UQCR11: variants seen among roughly 807,000 people sequenced by gnomAD.
The protein encoded by UQCR11 is ubiquinol-cytochrome c reductase, complex III subunit XI.
Under a neutral mutation model 7.6 loss-of-function variants are expected in UQCR11, and 10 were observed. The observed-to-expected ratio is 1.31, with a 90% CI of 0.81 to 2.22. The LOEUF is 2.22. UQCR11 is among the 30% of genes most tolerant of loss of function. The pLI, the probability that UQCR11 is intolerant of heterozygous loss-of-function variation, is 0.00. For missense variants in UQCR11, 86 were observed against 75.1 expected (o/e 1.15, Z -0.54); for synonymous variants, 34 against 34.9 (o/e 0.97, Z 0.09).
At chr19:1,604,191 C>G (rs569137942) in intron 1 of UQCR11, among the ~76,000 whole-genome samples, 1 of 152,092 alleles carries the variant, frequency 6.6e-6, no homozygotes, top group African/African-American at 2.4e-5. Flanking sequence ...GTGATTCGCC[C>G]GCCTTGGCCT....
Position 1,599,536 on chromosome 19 carries a change from G to C in UQCR11, c.75C>G (p.Gly25=). The change falls in exon 2 of 3, where the codon GGC becomes GGG. Residue 25 remains glycine, a synonymous_variant. Coordinates refer to ENST00000591899, the MANE Select transcript of UQCR11 (RefSeq NM_006830.4). ...ACACCAGCCCCACGGCGCCCACAGCGCCCCATGTGTAGGCCGTCGGGACCC... is the reference window on the plus strand; with the variant it reads ...ACACCAGCCCCACGGCGCCCACAGCCCCCCATGTGTAGGCCGTCGGGACCC... ...KNWVPTAYTW[G]AVGAVGLVWA... 1.2e-6 allele frequency: 2 copies of C among 1,612,236 alleles called. No individual in the cohort carries two copies. The highest frequency in any genetic ancestry group is 2.2e-5 in the East Asian group (1 of 44,890).
At chr19:1,603,769 A>C (rs2060753833) in intron 1 of UQCR11, among the ~76,000 whole-genome samples, 1 of 152,174 alleles carries the variant, frequency 6.6e-6, no homozygotes, top group Non-Finnish European at 1.5e-5. Context: ...AGCTAGGAGC[A>C]GGCTTCCTCA....
intron 1 of UQCR11, among the ~76,000 whole-genome samples, chr19:1,601,779 C>T (rs1349447763): frequency 2.6e-5 from 4 of 152,168 alleles, no homozygotes; most frequent in East Asian, 3.9e-4. Context: ...CTAGTTTAAG[C>T]GGCTAATTTT....
At chr19:1,599,769 A>G (rs1294154936) in intron 1 of UQCR11, among the ~76,000 whole-genome samples, 1 of 152,246 alleles carries the variant, frequency 6.6e-6, no homozygotes, top group Non-Finnish European at 1.5e-5. Flanking sequence ...TAACTGCTCA[A>G]GGGGCTGCTG....
At chr19:1,599,326 C>G in intron 2 of UQCR11, 86 bp downstream of exon 2, 1 of 1,540,908 alleles carries the variant, frequency 6.5e-7, no homozygotes. Context: ...GGGCTGCCGC[C>G]CCGGCTCTGG....
At chr19:1,599,273 G>C in intron 2 of UQCR11, 139 bp downstream of exon 2, 1 of 1,187,144 alleles carries the variant, frequency 8.4e-7, no homozygotes, top group Non-Finnish European at 1.2e-6. Flanking sequence ...GGGGCACCCA[G>C]GGCCCCACTC....
At chr19:1,604,496 C>A (rs187214402) in intron 1 of UQCR11, among the ~76,000 whole-genome samples, 1 of 152,086 alleles carries the variant, frequency 6.6e-6, no homozygotes, top group African/African-American at 2.4e-5. Context: ...CAGGCCGGAG[C>A]CACTGCACCC....
At chr19:1,599,349 C>A in intron 2 of UQCR11, 63 bp downstream of exon 2, 1 of 1,577,068 alleles carries the variant, frequency 6.3e-7, no homozygotes. Flanking sequence ...GCCTGGAGAA[C>A]CCACTCTTCG....
Position 1,598,544 on chromosome 19 carries a change from C to CA in UQCR11, c.*29-330dup, listed in dbSNP as rs869275138. Among the ~76,000 whole-genome samples, 686 of 118,854 alleles carry CA rather than the reference C, an allele frequency of 5.8e-3. 3 individuals are homozygous for CA. Among genetic ancestry groups the CA allele is most frequent in the African/African-American group, 0.013 (432 of 32,050 alleles). 78.0% of individuals were successfully genotyped at this position (118,854 alleles called of 152,430 possible). A position where few individuals can be genotyped will look rare whatever the true frequency, so the allele number is the denominator to read the frequency against. On this transcript the variant is annotated intron_variant, in intron 2 of 2. Transcript: ENST00000591899. Reference sequence around the variant, plus strand: ...GGGCAACAAGAGCCAAACTCTGTCTCAAAAAAAAAAAAAAAAATTAGCTGC... The same window carrying CA: ...GGGCAACAAGAGCCAAACTCTGTCTCAAAAAAAAAAAAAAAAAATTAGCTGC...
intron 1 of UQCR11, among the ~76,000 whole-genome samples, chr19:1,604,237 G>C (rs2060755373): frequency 6.6e-6 from 1 of 151,994 alleles, no homozygotes; most frequent in Admixed American, 6.6e-5. Context: ...GAGTCACTGC[G>C]CCCAGCAGCT....
At chr19:1,600,349 G>C (rs2060743824) in intron 1 of UQCR11, among the ~76,000 whole-genome samples, 1 of 152,042 alleles carries the variant, frequency 6.6e-6, no homozygotes, top group South Asian at 2.1e-4. Flanking sequence ...GAGTAGCTGG[G>C]ACTACAGGCG....
intron 1 of UQCR11, chr19:1,602,470 G>A (rs910040867): frequency 1.3e-5 from 2 of 151,998 alleles, no homozygotes; most frequent in African/African-American, 2.4e-5. Flanking sequence ...TATTTATTTT[G>A]AGATAGAATC....
rs538780050 is a variant in UQCR11 at position 1,599,500 on chromosome 19, A to T, written c.111T>A (p.Asp37Glu). The change falls in exon 2 of 3, where the codon GAT becomes GAA. Residue 37 changes from aspartate (D) to glutamate (E), a missense_variant. Transcript: ENST00000591899. ...VGAVGLVWAT[D>E]WRLILDWVPY... ...GTACCCAGTCCAGGATCAGCCGCCA[A>T]TCGGTGGCCCACACCAGCCCCACGG... The T allele has an allele frequency of 3.1e-6, 5 of 1,613,644 alleles. No homozygotes were observed. In the South Asian group the frequency reaches 4.4e-5, roughly 14 times the overall value.
intron 1 of UQCR11, 88 bp downstream of exon 1, chr19:1,605,272 C>A (rs2060758688): frequency 7.0e-7 from 1 of 1,427,882 alleles, no homozygotes; most frequent in South Asian, 1.4e-5. Flanking sequence ...CGGCCCGGCC[C>A]CCGGAAACGC....
At chr19:1,599,137 G>A in intron 2 of UQCR11, 3 of 352,782 alleles carry the variant, frequency 8.5e-6, no homozygotes, top group Non-Finnish European at 1.6e-5. Context: ...CCACTGAGAC[G>A]GAAGCAAGGT....
intron 1 of UQCR11, 38 bp from the exon 2 acceptor site, chr19:1,599,598 C>T (rs370945209): frequency 2.5e-6 from 4 of 1,600,332 alleles, no homozygotes; most frequent in Non-Finnish European, 3.4e-6. Flanking sequence ...CTGCTCTGGA[C>T]CCTTTCTCCA....
rs550729648 is a variant in UQCR11, at chr19:1,599,908, C to T, written c.51-348G>A. Among the ~76,000 whole-genome samples, 131 of 152,390 alleles carry T rather than the reference C, an allele frequency of 8.6e-4. 1 individual carries two copies. Among genetic ancestry groups the T allele is most frequent in the Non-Finnish European group, 7.3e-5 (5 of 68,030 alleles). On this transcript the variant is annotated intron_variant, in intron 1 of 2. Coordinates refer to ENST00000591899, the MANE Select transcript of UQCR11 (RefSeq NM_006830.4). ...AATTCATCCATCCCTGCCACAGCTG[C>T]AGGACTCAGGCAGGTGCCGCCATCA...
At chr19:1,604,680 A>G (rs542850963) in intron 1 of UQCR11, among the ~76,000 whole-genome samples, 1 of 152,086 alleles carries the variant, frequency 6.6e-6, no homozygotes, top group East Asian at 1.9e-4. Context: ...GGCACCCGCC[A>G]CCACGCCTGG....
chr19:1,603,399 G>A (rs1240036738), intron 1 of UQCR11, among the ~76,000 whole-genome samples: 7 of 152,156 alleles, frequency 4.6e-5, no homozygotes, highest in African/African-American at 1.2e-4. Flanking sequence ...TCAGAAGATC[G>A]TGACCATCCT....
Sources: allele counts gnomAD v4.1 joint callset (sites outside exome capture counted in the v4.1 genomes callset), GRCh38; gene constraint gnomAD v4.1.1; transcripts MANE v1.5; gene names NCBI Gene and HGNC (gene_info 2026-07-23, HGNC 2026-07-21).